VPS53: variants seen among roughly 807,000 people sequenced by gnomAD.
VPS53 encodes the protein VPS53 subunit of GARP complex.
VPS53 carries 70 observed loss-of-function variants against 107.0 expected under a neutral mutation model. The ratio of observed to expected loss-of-function variants is 0.65; its 90% confidence interval spans 0.54 to 0.80. VPS53 has a LOEUF of 0.80. Ranked by LOEUF, VPS53 falls within the 30% of genes least tolerant of loss-of-function variation. The pLI is 0.00. For missense variants in VPS53, 917 were observed against 1,049.4 expected, an observed-to-expected ratio of 0.87 and a Z score of 1.74; for synonymous variants, 409 against 393.3, an observed-to-expected ratio of 1.04 and a Z score of -0.47.
intron 13 of VPS53, among the ~76,000 whole-genome samples, chr17:576,159 C>A: frequency 6.6e-6 from 1 of 151,852 alleles, no homozygotes; most frequent in Non-Finnish European, 1.5e-5. Flanking sequence ...AAAGAACCTC[C>A]CTCAGAACCT....
At chr17:685,411 C>T (rs921922397) in intron 4 of VPS53, among the ~76,000 whole-genome samples, 1 of 152,164 alleles carries the variant, frequency 6.6e-6, no homozygotes, top group African/African-American at 2.4e-5. Flanking sequence ...AGAAACCATA[C>T]TTTGGGTACC....
At chr17:667,885 C>T (rs895527774) in intron 4 of VPS53, among the ~76,000 whole-genome samples, 2 of 152,160 alleles carry the variant, frequency 1.3e-5, no homozygotes, top group Middle Eastern at 3.4e-3. Context: ...CATAGGAGCG[C>T]GAACCCTACT....
intron 5 of VPS53, among the ~76,000 whole-genome samples, chr17:660,923 CGCCTCCCATGG>C (rs1971411172): frequency 6.6e-6 from 1 of 152,124 alleles, no homozygotes; most frequent in Non-Finnish European, 1.5e-5. Flanking sequence ...CACTTCCCAG[CGCCTCCCATGG>C]AGGAGGAGAA....
chr17:706,250 C>T (rs981064266), intron 2 of VPS53, among the ~76,000 whole-genome samples: 28 of 151,866 alleles, frequency 1.8e-4, no homozygotes, highest in African/African-American at 6.5e-4. Context: ...ATTATATGAG[C>T]AAGTCAGGCC....
chr17:690,911 C>A lies in VPS53; in HGVS notation c.285+6507G>T, dbSNP rs1195710971. 2.6e-5 allele frequency among the ~76,000 whole-genome samples: 4 copies of A among 152,128 alleles called. No homozygotes were observed. In the East Asian group the frequency reaches 7.7e-4, roughly 29 times the overall value. On this transcript the variant is annotated intron_variant, in intron 4 of 21. Coordinates refer to ENST00000437048, the MANE Select transcript of VPS53 (RefSeq NM_001128159.3). ...TTTTCCTCCCATAAATATGTCTAGA[C>A]ATACAAAAATTTACAGTTAATTTCA...
intron 5 of VPS53, among the ~76,000 whole-genome samples, chr17:659,385 G>A (rs1971353286): frequency 1.3e-5 from 2 of 152,162 alleles, no homozygotes; most frequent in Non-Finnish European, 2.9e-5. Flanking sequence ...CCAGGCAAGC[G>A]ATTCTCTGCC....
intron 7 of VPS53, among the ~76,000 whole-genome samples, chr17:636,340 T>C (rs1300366509): frequency 6.6e-6 from 1 of 152,228 alleles, no homozygotes; most frequent in East Asian, 1.9e-4. Flanking sequence ...GTTTTCTAAA[T>C]ATACAATCAT....
At chr17:587,752 T>C (rs1967392351) in intron 12 of VPS53, among the ~76,000 whole-genome samples, 2 of 152,172 alleles carry the variant, frequency 1.3e-5, no homozygotes, top group Non-Finnish European at 2.9e-5. Context: ...AAACACACCA[T>C]GCTGGGGTTG....
At chr17:599,868 C>A (rs988106119) in intron 12 of VPS53, 2 of 152,358 alleles carry the variant, frequency 1.3e-5, no homozygotes, top group African/African-American at 2.4e-5. Flanking sequence ...TCTGATGGGG[C>A]ACCAAGGAAT....
At chr17:593,679 G>T (rs1327811130) in intron 12 of VPS53, among the ~76,000 whole-genome samples, 3 of 152,292 alleles carry the variant, frequency 2.0e-5, no homozygotes, top group Non-Finnish European at 2.9e-5. Flanking sequence ...GAGAGGATGT[G>T]GAGAAACAGG....
intron 18 of VPS53, chr17:536,508 A>T (rs1434660266): frequency 6.4e-6 from 1 of 155,710 alleles, no homozygotes; most frequent in Non-Finnish European, 1.4e-5. Context: ...AGTAGGCCCC[A>T]TTCATTTTTG....
chr17:634,207 A>C (rs540677396), intron 7 of VPS53, among the ~76,000 whole-genome samples: 1 of 150,882 alleles, frequency 6.6e-6, no homozygotes, highest in Admixed American at 6.6e-5. Context: ...CCTCTGGCCC[A>C]AACTATTCCC....
chr17:589,844 T>A (rs1967544762), intron 12 of VPS53, among the ~76,000 whole-genome samples: 1 of 152,284 alleles, frequency 6.6e-6, no homozygotes, highest in African/African-American at 2.4e-5. Flanking sequence ...GGCTCAGGAT[T>A]GACTTGGCGA....
In VPS53 at chr17:521,627, T is replaced by C. The variant is rs1908756891; in HGVS notation, c.2197A>G (p.Met733Val). ...TTGAGGATCATCTCAGCCCGGGTCA[T>C]GCCTTTGACAACGATCTTGGTGTAG... is the stretch of plus-strand genomic sequence containing the variant. ...ASYTKIVVKG[M>V]TRAEMILKVV... is the part of the protein sequence containing the mutation. Residue 733 changes from methionine to valine, a missense_variant, in exon 20 of 22, where the codon ATG (methionine) becomes GTG (valine). By Grantham distance (21) the Met-to-Val change is conservative. Coordinates refer to ENST00000437048, the MANE Select transcript of VPS53 (RefSeq NM_001128159.3). 1.9e-6 allele frequency: 3 copies of C among 1,550,716 alleles called. No homozygotes were observed. Among genetic ancestry groups the C allele is most frequent in the Non-Finnish European group, 2.6e-6 (3 of 1,146,218 alleles).
At chr17:583,193 G>T (rs1967137511) in intron 13 of VPS53, among the ~76,000 whole-genome samples, 1 of 147,610 alleles carries the variant, frequency 6.8e-6, no homozygotes, top group African/African-American at 2.5e-5. Context: ...AACCTAATAT[G>T]TTCCCAGAGA....
At position 517,323 on chromosome 17, in the gene VPS53, C is replaced by A. The variant is rs184839012; in HGVS notation, c.*1805G>T. 2.5e-6 allele frequency: 1 copy of A among 396,896 alleles called. No homozygotes were observed. The highest frequency in any genetic ancestry group is 4.4e-6 in the Non-Finnish European group (1 of 225,050). 24.6% of individuals were successfully genotyped at this position (396,896 alleles called of 1,614,324 possible). ...CCAGCTAGCAAGGACAGCCTGGAAG[C>A]CGATGAAGAAATGACACTCAGGATC... On this transcript the variant is annotated 3_prime_UTR_variant, in exon 22 of 22. Coordinates refer to ENST00000437048, the MANE Select transcript of VPS53 (RefSeq NM_001128159.3).
chr17:655,972 C>T lies in VPS53; in HGVS notation c.373-19G>A. The T allele has an allele frequency of 6.2e-7, 1 of 1,603,374 alleles. No homozygotes were observed. The highest frequency in any genetic ancestry group is 1.7e-5 in the Admixed American group (1 of 59,168). On this transcript the variant is annotated intron_variant, in intron 5 of 21. Transcript: ENST00000437048. ...CTTTCACCTAAACATTGAAAAACCACAAGAAAGAAAGGAAGACGGTCAAGA... is the reference window on the plus strand; with the variant it reads ...CTTTCACCTAAACATTGAAAAACCATAAGAAAGAAAGGAAGACGGTCAAGA...
chr17:641,463 C>T (rs1970422111), intron 7 of VPS53, among the ~76,000 whole-genome samples: 2 of 152,202 alleles, frequency 1.3e-5, no homozygotes, highest in African/African-American at 4.8e-5. Flanking sequence ...ATGTGCCAAA[C>T]TACCAAGATT....
chr17:645,576 C>T (rs932284763), intron 7 of VPS53, among the ~76,000 whole-genome samples: 3 of 152,238 alleles, frequency 2.0e-5, no homozygotes, highest in African/African-American at 7.2e-5. Context: ...CAAGAAACTG[C>T]TGCCAAATAC....
Sources: gnomAD v4.1 joint callset for allele counts (sites outside exome capture counted in the v4.1 genomes callset) on GRCh38, gnomAD v4.1.1 for gene constraint, MANE v1.5 for transcripts, NCBI Gene and HGNC (gene_info 2026-07-23, HGNC 2026-07-21) for gene names.